CRPPA: variants seen among roughly 807,000 people sequenced by gnomAD.
CRPPA encodes the protein D-ribitol-5-phosphate cytidylyltransferase.
CRPPA carries 43 observed loss-of-function variants against 52.0 expected under a neutral mutation model. The ratio of observed to expected loss-of-function variants is 0.83; its 90% CI spans 0.65 to 1.07. The LOEUF (loss-of-function observed/expected upper bound fraction) is 1.07. CRPPA is among the 50% of genes least tolerant of loss of function. The pLI, the probability that CRPPA is intolerant of heterozygous loss-of-function variation, is 0.00. For missense variants in CRPPA, 629 were observed against 551.7 expected, an observed-to-expected ratio of 1.14 and a Z score of -1.40; for synonymous variants, 250 against 203.5, an observed-to-expected ratio of 1.23 and a Z score of -1.94.
chr7:16,256,017 T>C (rs1783629001), intron 8 of CRPPA, among the ~76,000 whole-genome samples: 1 of 152,142 alleles, frequency 6.6e-6, no homozygotes. Flanking sequence ...ACCTACAGTA[T>C]GGGAGAAAAT....
chr7:16,290,766 G>A (rs559277761), intron 5 of CRPPA, among the ~76,000 whole-genome samples: 7 of 151,812 alleles, frequency 4.6e-5, no homozygotes, highest in South Asian at 4.2e-4. Context: ...CCAAAAGCAC[G>A]AACAAGAACA....
At chr7:16,173,474 A>G (rs1294912810) in intron 9 of CRPPA, among the ~76,000 whole-genome samples, 4 of 152,192 alleles carry the variant, frequency 2.6e-5, no homozygotes. Context: ...GAAATAACAT[A>G]TGGAACATGT....
At chr7:16,246,981 A>T (rs1783293251) in intron 8 of CRPPA, among the ~76,000 whole-genome samples, 1 of 152,262 alleles carries the variant, frequency 6.6e-6, no homozygotes, top group Non-Finnish European at 1.5e-5. Context: ...TTCTCTGTCC[A>T]TAAAAGCCCT....
intron 6 of CRPPA, among the ~76,000 whole-genome samples, chr7:16,267,734 A>G (rs1481356005): frequency 6.7e-6 from 1 of 150,252 alleles, no homozygotes; most frequent in African/African-American, 2.4e-5. Flanking sequence ...TATTTTTCCT[A>G]AGTAATAAAG....
intron 2 of CRPPA, among the ~76,000 whole-genome samples, chr7:16,394,677 A>G (rs554598160): frequency 6.6e-6 from 1 of 152,316 alleles, no homozygotes; most frequent in East Asian, 1.9e-4. Context: ...TCCATATTTC[A>G]GATACAATTA....
intron 8 of CRPPA, among the ~76,000 whole-genome samples, chr7:16,248,457 A>T (rs1225856492): frequency 6.6e-6 from 1 of 152,200 alleles, no homozygotes. Context: ...GTGCCTGTAG[A>T]GCCACAGCTG....
chr7:16,258,841 A>G, intron 7 of CRPPA, 79 bp downstream of exon 7: 3 of 820,668 alleles, frequency 3.7e-6, no homozygotes, highest in South Asian at 1.9e-5. Context: ...TATCATATAT[A>G]AATATTTAAG....
intron 3 of CRPPA, among the ~76,000 whole-genome samples, chr7:16,370,673 A>G (rs951464857): frequency 6.6e-6 from 1 of 152,114 alleles, no homozygotes; most frequent in African/African-American, 2.4e-5. Context: ...CAGAGACATA[A>G]TTGCAGTGCT....
At chr7:16,139,340 T>C (rs901964660) in intron 9 of CRPPA, among the ~76,000 whole-genome samples, 2 of 152,194 alleles carry the variant, frequency 1.3e-5, no homozygotes, top group Non-Finnish European at 2.9e-5. Context: ...ACCTACCTGT[T>C]CATGCCAGAA....
chr7:16,412,310 AG>A (rs1341774171), intron 1 of CRPPA, among the ~76,000 whole-genome samples: 1 of 152,264 alleles, frequency 6.6e-6, no homozygotes, highest in Non-Finnish European at 1.5e-5. Context: ...GAAATAGAAC[AG>A]AAAAATTAAA....
chr7:16,105,370 A>G (rs1782130491), intron 9 of CRPPA, among the ~76,000 whole-genome samples: 1 of 152,260 alleles, frequency 6.6e-6, no homozygotes, highest in Non-Finnish European at 1.5e-5. Flanking sequence ...ACAATGCCAG[A>G]TGAAAAGAAT....
intron 3 of CRPPA, among the ~76,000 whole-genome samples, chr7:16,319,766 C>G (rs187462098): frequency 6.6e-5 from 10 of 152,274 alleles, no homozygotes; most frequent in Admixed American, 6.5e-4. Context: ...TGGCAACACA[C>G]TCAGTCCTTC....
At chr7:16,219,123 T>C (rs1782424512) in intron 8 of CRPPA, among the ~76,000 whole-genome samples, 1 of 151,922 alleles carries the variant, frequency 6.6e-6, no homozygotes, top group South Asian at 2.1e-4. Flanking sequence ...AAACTAGAAC[T>C]CAGGATTAAG....
At chr7:16,346,084 C>A (rs1786008008) in intron 3 of CRPPA, among the ~76,000 whole-genome samples, 1 of 152,130 alleles carries the variant, frequency 6.6e-6, no homozygotes, top group African/African-American at 2.4e-5. Context: ...AAACTGTTTT[C>A]ATAATTTCTC....
At chr7:16,257,690 C>T (rs957030409) in intron 8 of CRPPA, among the ~76,000 whole-genome samples, 4 of 152,194 alleles carry the variant, frequency 2.6e-5, no homozygotes, top group Middle Eastern at 3.4e-3. Context: ...CTAGGCACTT[C>T]TGAGAATTTA....
chr7:16,270,778 C>A (rs1045113558), intron 6 of CRPPA, among the ~76,000 whole-genome samples: 1 of 152,096 alleles, frequency 6.6e-6, no homozygotes, highest in African/African-American at 2.4e-5. Context: ...TGTATATTCA[C>A]GCTAAAATAT....
rs1784972328 is a variant in CRPPA, at chr7:16,308,776, C to T, written c.685-149G>A. ...GCTACTGACTGAGTTATAACATCCC[C>T]ATTAGCTAAAAGCAAAACAGGGAAT... On this transcript the variant is annotated intron_variant, in intron 3 of 9. Transcript: ENST00000407010. The T allele has an allele frequency of 8.3e-6, 5 of 605,392 alleles. No homozygotes were observed. In the East Asian group the frequency reaches 8.3e-5, roughly 10 times the overall value. The allele number at this position is 605,392 out of a possible 1,614,324, so 37.5% of individuals were successfully genotyped here.
intron 3 of CRPPA, among the ~76,000 whole-genome samples, chr7:16,339,195 G>T (rs1785761868): frequency 6.6e-6 from 1 of 151,864 alleles, no homozygotes; most frequent in African/African-American, 2.4e-5. Flanking sequence ...AACTCATTCT[G>T]TGAGGCCAGC....
At chr7:16,131,281 T>C (rs117227421) in intron 9 of CRPPA, among the ~76,000 whole-genome samples, 4,828 of 152,302 alleles carry the variant, frequency 0.032, 102 homozygotes, top group Non-Finnish European at 0.048. Context: ...GAGGCAATTT[T>C]AGAAGGAAAA....
Sources: gnomAD v4.1 joint callset for allele counts (sites outside exome capture counted in the v4.1 genomes callset) on GRCh38, gnomAD v4.1.1 for gene constraint, MANE v1.5 for transcripts, NCBI Gene and HGNC (gene_info 2026-07-23, HGNC 2026-07-21) for gene names.